The following DENND2C variants were observed in gnomAD, a reference collection of about 807,000 sequenced individuals.
The protein encoded by DENND2C is DENN domain containing 2C.
A neutral mutation model predicts 112.4 loss-of-function variants in DENND2C; 72 were observed. The ratio of observed to expected loss-of-function variants is 0.64; its 90% CI spans 0.53 to 0.78. The LOEUF is 0.78. Among genes scored for constraint, DENND2C ranks in the 30% least tolerant of loss-of-function variants. DENND2C has a pLI of 0.00. For missense variants in DENND2C, 992 were observed against 1,113.8 expected, an observed-to-expected ratio of 0.89 and a Z score of 1.56; for synonymous variants, 329 against 381.6, an observed-to-expected ratio of 0.86 and a Z score of 1.61.
At chr1:114,632,607 A>G (rs1470028886) in intron 3 of DENND2C, among the ~76,000 whole-genome samples, 1 of 152,238 alleles carries the variant, frequency 6.6e-6, no homozygotes, top group Admixed American at 6.5e-5. Context: ...AGAGCCAGTG[A>G]CATAATTTAT....
rs756336880 is a variant in DENND2C, at chr1:114,587,722, C to T, written c.2662G>A (p.Val888Ile). Residue 888 changes from valine (V) to isoleucine (I), a missense_variant, in exon 19 of 21, where the codon GTT becomes ATT. Physicochemically the swap from Val to Ile is conservative, Grantham distance 29 (BLOSUM62 3). Coordinates refer to ENST00000393274, the MANE Select transcript of DENND2C (RefSeq NM_001256404.2). ...IQDRELRKSG[V>I]KGLFEIRAIQ... ...ACTTTATAATGAAACTGACCTTTAA[C>T]TCCACTTTTCCGAAGCTCTCGGTCC... The T allele has an allele frequency of 3.1e-6, 5 of 1,607,000 alleles. No homozygotes were observed. The South Asian group carries it at 5.5e-5, about 18-fold the overall frequency.
At chr1:114,628,356 G>C (rs1235566873) in intron 3 of DENND2C, among the ~76,000 whole-genome samples, 1 of 151,508 alleles carries the variant, frequency 6.6e-6, no homozygotes, top group African/African-American at 2.4e-5. Context: ...CAAATGACTG[G>C]CAACAAATGG....
chr1:114,644,954 AAACT>A (rs1312838130), intron 3 of DENND2C, among the ~76,000 whole-genome samples: 1 of 152,308 alleles, frequency 6.6e-6, no homozygotes, highest in Admixed American at 6.5e-5. Context: ...AAGCATACTG[AAACT>A]AAAAATTTAA....
At chr1:114,589,839 A>G (rs1190322874) in intron 18 of DENND2C, among the ~76,000 whole-genome samples, 1 of 152,216 alleles carries the variant, frequency 6.6e-6, no homozygotes, top group Non-Finnish European at 1.5e-5. Flanking sequence ...ATTCTCTACC[A>G]CAAACAAAGC....
At chr1:114,660,533 GTC>G (rs1657463958) in intron 1 of DENND2C, among the ~76,000 whole-genome samples, 1 of 152,072 alleles carries the variant, frequency 6.6e-6, no homozygotes. Context: ...AAGTTTGCCT[GTC>G]TCTAATTCCC....
At chr1:114,593,692 G>A (rs551945770) in intron 18 of DENND2C, among the ~76,000 whole-genome samples, 4 of 152,284 alleles carry the variant, frequency 2.6e-5, no homozygotes, top group Non-Finnish European at 4.4e-5. Context: ...AGGATTGCTT[G>A]AGCCCAGGAG....
At chr1:114,595,946 T>G in intron 16 of DENND2C, 73 bp from the exon 17 acceptor site, 1 of 1,374,092 alleles carries the variant, frequency 7.3e-7, no homozygotes. Flanking sequence ...AGAATAGTTT[T>G]AAACAAAATT....
chr1:114,593,734 T>C lies in DENND2C; in HGVS notation c.2431+739A>G, dbSNP rs570151053. On this transcript the variant is annotated intron_variant, in intron 18 of 20. Coordinates refer to ENST00000393274, the MANE Select transcript of DENND2C (RefSeq NM_001256404.2). Reference sequence around the variant, plus strand: ...GCTGCAGTGAGCTATAATTGCACCATTGCACTCCAGCCTGGGTGACAGAGC... The same window carrying C: ...GCTGCAGTGAGCTATAATTGCACCACTGCACTCCAGCCTGGGTGACAGAGC... 1.0e-3 allele frequency among the ~76,000 whole-genome samples: 155 copies of C among 152,040 alleles called. 1 individual carries two copies. Among genetic ancestry groups the C allele is most frequent in the Middle Eastern group, 3.4e-3 (1 of 294 alleles).
chr1:114,596,758 T>G (rs913544646), intron 16 of DENND2C, among the ~76,000 whole-genome samples: 2 of 152,166 alleles, frequency 1.3e-5, no homozygotes, highest in African/African-American at 4.8e-5. Flanking sequence ...AAGTTTTTTT[T>G]TAAATTTTTT....
At chr1:114,587,523 G>T in intron 19 of DENND2C, 50 bp from the exon 20 acceptor site, 1 of 1,594,082 alleles carries the variant, frequency 6.3e-7, no homozygotes, top group Non-Finnish European at 8.6e-7. Flanking sequence ...TCCAGACTGG[G>T]AATTACATAA....
chr1:114,663,549 T>C (rs1044319375), intron 1 of DENND2C, among the ~76,000 whole-genome samples: 2 of 152,204 alleles, frequency 1.3e-5, no homozygotes, highest in Admixed American at 1.3e-4. Context: ...ATTTTTTTTT[T>C]CTAAACCAAG....
At chr1:114,647,074 T>C (rs1219189350) in intron 2 of DENND2C, among the ~76,000 whole-genome samples, 5 of 151,680 alleles carry the variant, frequency 3.3e-5, no homozygotes, top group African/African-American at 9.7e-5. Context: ...GCAGGAGAAC[T>C]GCTTCAACCC....
Position 114,605,037 on chromosome 1 carries a change from A to G in DENND2C, c.1558-6T>C. 1 of 1,597,162 alleles carries G rather than the reference A, an allele frequency of 6.3e-7. No individual in the cohort carries two copies. Among genetic ancestry groups the G allele is most frequent in the Middle Eastern group, 1.7e-4 (1 of 6,006 alleles). On this transcript the variant is annotated splice_polypyrimidine_tract_variant and splice_region_variant and intron_variant, in intron 10 of 20. Transcript: ENST00000393274. ...TGCTTATAGCCATGATCATCCTGAA[A>G]AAGATAACACCATAGGTGACTTAAA...
intron 15 of DENND2C, 46 bp downstream of exon 15, chr1:114,600,158 C>A: frequency 6.4e-7 from 1 of 1,562,884 alleles, no homozygotes; most frequent in Non-Finnish European, 8.6e-7. Context: ...AAATTTGGAA[C>A]AAATAAAACA....
intron 3 of DENND2C, among the ~76,000 whole-genome samples, chr1:114,633,458 A>AC (rs1656553253): frequency 6.7e-6 from 1 of 149,458 alleles, no homozygotes; most frequent in Non-Finnish European, 1.5e-5. Context: ...AAAAAAAAAA[A>AC]AAAAGAAAAA....
At chr1:114,609,544 C>T (rs964957044) in intron 9 of DENND2C, among the ~76,000 whole-genome samples, 5 of 152,168 alleles carry the variant, frequency 3.3e-5, no homozygotes, top group African/African-American at 9.7e-5. Flanking sequence ...TTTAAACAGT[C>T]ATAGCAATAC....
intron 1 of DENND2C, among the ~76,000 whole-genome samples, chr1:114,660,243 T>G (rs540775651): frequency 1.9e-4 from 29 of 152,378 alleles, no homozygotes; most frequent in African/African-American, 6.7e-4. Flanking sequence ...TTTAATATAA[T>G]TAACAACTTT....
chr1:114,662,937 G>T (rs1657538506), intron 1 of DENND2C, among the ~76,000 whole-genome samples: 1 of 152,070 alleles, frequency 6.6e-6, no homozygotes, highest in Non-Finnish European at 1.5e-5. Flanking sequence ...TCCAGCCTGG[G>T]TGACAGAGAA....
At chr1:114,619,998 C>G (rs115935146) in intron 7 of DENND2C, among the ~76,000 whole-genome samples, 1 of 152,080 alleles carries the variant, frequency 6.6e-6, no homozygotes, top group Non-Finnish European at 1.5e-5. Context: ...GAAATGTACT[C>G]TAGCAAACAA....
Sources: allele counts gnomAD v4.1 joint callset (sites outside exome capture counted in the v4.1 genomes callset), GRCh38; gene constraint gnomAD v4.1.1; transcripts MANE v1.5; gene names NCBI Gene and HGNC (gene_info 2026-07-23, HGNC 2026-07-21).